Variants in TCF12 observed in about 807,000 individuals in gnomAD.
TCF12 encodes the protein transcription factor 12.
A neutral mutation model predicts 86.0 loss-of-function variants in TCF12; 45 were observed. The ratio of observed to expected loss-of-function variants is 0.52; its 90% CI spans 0.41 to 0.67. The LOEUF (loss-of-function observed/expected upper bound fraction) is 0.67. TCF12 is among the 30% of genes least tolerant of loss of function. The pLI, the probability that TCF12 is intolerant of heterozygous loss-of-function variation, is 0.00. For missense variants in TCF12, 881 were observed against 859.9 expected (o/e 1.02, Z -0.31); for synonymous variants, 330 against 299.6 (o/e 1.10, Z -1.05).
At chr15:57,078,296 G>A (rs2070311954) in intron 4 of TCF12, among the ~76,000 whole-genome samples, 1 of 152,102 alleles carries the variant, frequency 6.6e-6, no homozygotes, top group Admixed American at 6.6e-5. Flanking sequence ...TAATTTGGCG[G>A]ACTGGTTTGT....
intron 3 of TCF12, among the ~76,000 whole-genome samples, chr15:57,024,076 A>G (rs755658455): frequency 3.2e-4 from 49 of 152,154 alleles, no homozygotes; most frequent in Non-Finnish European, 2.9e-5. Flanking sequence ...ACATATTGGT[A>G]GTAATCTGTT....
rs554258330 is a variant in TCF12 at position 56,992,470 on chromosome 15, A to G, written c.149-71280A>G. Among the ~76,000 whole-genome samples, 37 of 152,362 alleles carry G rather than the reference A, an allele frequency of 2.4e-4. No homozygotes were observed. In the South Asian group the frequency reaches 7.0e-3, roughly 29 times the overall value. ...TCTTCTGAAATAAAACATGTCCTGA[A>G]TAATTTTAATTTGAGTCTACTATTG... is the stretch of plus-strand genomic sequence containing the variant. On this transcript the variant is annotated intron_variant, in intron 3 of 20. Transcript: ENST00000333725.
chr15:57,275,429 A>G (rs915540920), intron 19 of TCF12, among the ~76,000 whole-genome samples: 4 of 39,624 alleles, frequency 1.0e-4, no homozygotes, highest in African/African-American at 1.1e-4. Flanking sequence ...TCAAGCGTCT[A>G]TAGGCCTGAG....
chr15:57,213,590 T>TA (rs2058206740), intron 8 of TCF12, among the ~76,000 whole-genome samples: 1 of 152,286 alleles, frequency 6.6e-6, no homozygotes, highest in African/African-American at 2.4e-5. Flanking sequence ...TCTGGTCTTT[T>TA]AAAAAATGAA....
intron 3 of TCF12, among the ~76,000 whole-genome samples, chr15:56,925,245 C>CT (rs1388100610): frequency 7.3e-6 from 1 of 137,882 alleles, no homozygotes; most frequent in African/African-American, 2.6e-5. Flanking sequence ...CCACCGCCCC[C>CT]CCACCCCCCC....
chr15:57,254,874 A>AAAAGAAAG (rs370729299), intron 16 of TCF12, among the ~76,000 whole-genome samples: 1 of 108,848 alleles, frequency 9.2e-6, no homozygotes, highest in Non-Finnish European at 2.0e-5. Context: ...AAAAAAAAAA[A>AAAAGAAAG]AAAGAAAGAA....
intron 8 of TCF12, among the ~76,000 whole-genome samples, chr15:57,205,488 A>G (rs1057374731): frequency 8.5e-5 from 13 of 152,228 alleles, no homozygotes; most frequent in Non-Finnish European, 1.5e-4. Flanking sequence ...CAAACAGCAT[A>G]GAGAACACAC....
intron 4 of TCF12, among the ~76,000 whole-genome samples, chr15:57,066,131 T>G (rs547177844): frequency 6.6e-6 from 1 of 152,248 alleles, no homozygotes; most frequent in African/African-American, 2.4e-5. Flanking sequence ...AAGGAGAACT[T>G]TATGGTTGTC....
At chr15:56,927,855 TTAATG>T (rs1370698251) in intron 3 of TCF12, among the ~76,000 whole-genome samples, 1 of 152,232 alleles carries the variant, frequency 6.6e-6, no homozygotes, top group Non-Finnish European at 1.5e-5. Flanking sequence ...GGTTGATTAT[TTAATG>T]TAATAATACA....
chr15:57,092,008 A>AG, intron 5 of TCF12, 117 bp downstream of exon 5: 3 of 707,142 alleles, frequency 4.2e-6, no homozygotes, highest in Non-Finnish European at 7.0e-6. Flanking sequence ...TTGAGTTTCT[A>AG]GGGGCATCTA....
At chr15:57,154,111 G>A (rs921573233) in intron 5 of TCF12, among the ~76,000 whole-genome samples, 1 of 152,092 alleles carries the variant, frequency 6.6e-6, no homozygotes, top group African/African-American at 2.4e-5. Flanking sequence ...AGCCATATCA[G>A]TAATATAATG....
At position 57,104,483 on chromosome 15, in the gene TCF12, C is replaced by T. The variant is rs2049998129; in HGVS notation, c.325+12592C>T. On this transcript the variant is annotated intron_variant, in intron 5 of 20. Coordinates refer to ENST00000333725, the MANE Select transcript of TCF12 (RefSeq NM_207037.2). ...TTGAGATGGAGTCTTTTTCTGTTGC[C>T]CAGGCTGGAGTGCAGTGGAGCGATC... is the stretch of plus-strand genomic sequence containing the variant. Among the ~76,000 whole-genome samples, 3 of 133,068 alleles carry T rather than the reference C, an allele frequency of 2.3e-5. No homozygotes were observed. In the South Asian group the frequency reaches 7.1e-4, roughly 31 times the overall value. The allele number at this position is 133,068 out of a possible 152,430, so 87.3% of individuals were successfully genotyped here.
intron 3 of TCF12, among the ~76,000 whole-genome samples, chr15:57,051,162 A>G (rs2067584811): frequency 6.6e-6 from 1 of 152,136 alleles, no homozygotes; most frequent in East Asian, 1.9e-4. Flanking sequence ...ATCTTGAGGC[A>G]TGGTTTTATG....
chr15:57,250,874 C>G (rs1447154687), intron 13 of TCF12, among the ~76,000 whole-genome samples: 1 of 138,904 alleles, frequency 7.2e-6, no homozygotes, highest in Admixed American at 9.2e-5. Context: ...CCAGCCTGGG[C>G]GACAGTGAGA....
chr15:57,250,158 T>G (rs1255683414), intron 13 of TCF12, among the ~76,000 whole-genome samples: 1 of 152,190 alleles, frequency 6.6e-6, no homozygotes, highest in Non-Finnish European at 1.5e-5. Flanking sequence ...TTTGGGAAAT[T>G]TTTTAATAGA....
chr15:57,002,410 C>T (rs2064102008), intron 3 of TCF12, among the ~76,000 whole-genome samples: 1 of 152,212 alleles, frequency 6.6e-6, no homozygotes, highest in Non-Finnish European at 1.5e-5. Flanking sequence ...ACAATGTTTA[C>T]ATTATTTACT....
At chr15:57,034,669 T>C (rs2066396672) in intron 3 of TCF12, among the ~76,000 whole-genome samples, 1 of 152,220 alleles carries the variant, frequency 6.6e-6, no homozygotes, top group African/African-American at 2.4e-5. Flanking sequence ...ATACTCATGA[T>C]ACAGTGAATT....
chr15:57,203,151 T>G (rs1441064420), intron 8 of TCF12, among the ~76,000 whole-genome samples: 1 of 152,350 alleles, frequency 6.6e-6, no homozygotes, highest in South Asian at 2.1e-4. Context: ...AGCATTCACT[T>G]GCAGAAAAAC....
chr15:57,010,416 A>G (rs34157525), intron 3 of TCF12, among the ~76,000 whole-genome samples: 28 of 152,234 alleles, frequency 1.8e-4, no homozygotes, highest in African/African-American at 6.5e-4. Flanking sequence ...GCCTATCTTT[A>G]AGTTAAAAAA....
Sources: allele counts gnomAD v4.1 joint callset (sites outside exome capture counted in the v4.1 genomes callset), GRCh38; gene constraint gnomAD v4.1.1; transcripts MANE v1.5; gene names NCBI Gene and HGNC (gene_info 2026-07-23, HGNC 2026-07-21).